The following BLMH variants were observed in gnomAD, a reference collection of about 807,000 sequenced individuals.
BLMH encodes bleomycin hydrolase.
In BLMH, 32 loss-of-function variants were observed where a neutral mutation model predicts 61.6. The observed-to-expected ratio is 0.52, with a 90% CI of 0.39 to 0.70. BLMH has a LOEUF of 0.70. Among genes scored for constraint, BLMH ranks in the 30% least tolerant of loss-of-function variants. The pLI is 0.00. For missense variants in BLMH, 460 were observed against 555.5 expected, an observed-to-expected ratio of 0.83 and a Z score of 1.73; for synonymous variants, 183 against 193.8, an observed-to-expected ratio of 0.94 and a Z score of 0.46.
chr17:30,268,386 T>G (rs1183292576), intron 10 of BLMH, among the ~76,000 whole-genome samples: 1 of 152,158 alleles, frequency 6.6e-6, no homozygotes, highest in African/African-American at 2.4e-5. Context: ...ATTGTGGAAA[T>G]ATAACCACTA....
intron 6 of BLMH, among the ~76,000 whole-genome samples, chr17:30,281,097 T>G (rs981717425): frequency 1.7e-4 from 25 of 151,134 alleles, no homozygotes; most frequent in Non-Finnish European, 2.2e-4. Flanking sequence ...TTGTTGTTTT[T>G]TTTTTTTTTT....
chr17:30,285,094 T>C (rs1414691361), intron 6 of BLMH, among the ~76,000 whole-genome samples: 1 of 152,242 alleles, frequency 6.6e-6, no homozygotes, highest in East Asian at 1.9e-4. Context: ...TGACTATGTC[T>C]TTCTCATCTG....
intron 9 of BLMH, chr17:30,272,115 G>A (rs1456167483): frequency 5.8e-6 from 1 of 172,638 alleles, no homozygotes; most frequent in African/African-American, 2.4e-5. Context: ...AACCTTCATT[G>A]TCATAAATGA....
Position 30,272,609 on chromosome 17 carries a change from T to C in BLMH, c.980A>G (p.Asp327Gly), listed in dbSNP as rs75301481. 6.2e-7 allele frequency: 1 copy of C among 1,613,966 alleles called. No individual in the cohort carries two copies. Among genetic ancestry groups the C allele is most frequent in the Non-Finnish European group, 8.5e-7 (1 of 1,180,006 alleles). Residue 327 changes from aspartate to glycine, a missense_variant, in exon 9 of 12, where the codon GAT (aspartate) becomes GGT (glycine). Transcript: ENST00000261714. ...KDGEAVWFGC[D>G]VGKHFNSKLG... Reference sequence around the variant, plus strand: ...CTTGCTATTGAAGTGTTTTCCAACATCACAGCCAAACCACACAGCCTAGAA... The same window carrying C: ...CTTGCTATTGAAGTGTTTTCCAACACCACAGCCAAACCACACAGCCTAGAA...
In BLMH at chr17:30,291,341, C is replaced by T. The variant is rs759180435; in HGVS notation, c.181G>A (p.Gly61Ser). 2.5e-6 allele frequency: 4 copies of T among 1,612,716 alleles called. No homozygotes were observed. The South Asian group carries it at 4.4e-5, about 18-fold the overall frequency. ...CTCTTCTGGTTGGTGATTGGCTTGC[C>T]CTCCTGGGGCACGGCGTGCTGGAAC... ...HVFQHAVPQE[G>S]KPITNQKSSG... Residue 61 changes from glycine to serine, a missense_variant, in exon 2 of 12, where the codon GGC becomes AGC. Around this residue, in one of 5 missense-constraint regions of BLMH, gnomAD observed 86 missense variants for 84.5 expected, o/e 1.02. Coordinates refer to ENST00000261714, the MANE Select transcript of BLMH (RefSeq NM_000386.4).
At chr17:30,252,056 G>A (rs1907682954) in intron 11 of BLMH, 1 of 152,150 alleles carries the variant, frequency 6.6e-6, no homozygotes, top group African/African-American at 2.4e-5. Context: ...ATCTGCATCT[G>A]TGTTTAATCT....
intron 10 of BLMH, among the ~76,000 whole-genome samples, chr17:30,270,469 T>C (rs1908238974): frequency 6.9e-6 from 1 of 145,080 alleles, no homozygotes; most frequent in African/African-American, 2.6e-5. Flanking sequence ...ACTACAGCAC[T>C]CCTGCCTGGA....
At chr17:30,260,284 C>G (rs1907920598) in intron 11 of BLMH, among the ~76,000 whole-genome samples, 1 of 152,140 alleles carries the variant, frequency 6.6e-6, no homozygotes, top group Non-Finnish European at 1.5e-5. Context: ...AGTGCAAACA[C>G]CTTGGAGACA....
intron 9 of BLMH, 46 bp downstream of exon 9, chr17:30,272,515 G>C: frequency 1.9e-6 from 3 of 1,605,372 alleles, no homozygotes; most frequent in Non-Finnish European, 2.6e-6. Context: ...CACTCCAACA[G>C]CAACAACCCA....
chr17:30,260,901 C>T (rs906167259), intron 11 of BLMH, among the ~76,000 whole-genome samples: 10 of 152,020 alleles, frequency 6.6e-5, no homozygotes, highest in Non-Finnish European at 1.0e-4. Flanking sequence ...ACAACAACAA[C>T]GGCAACAAAA....
chr17:30,270,130 T>G (rs974843442), intron 10 of BLMH, among the ~76,000 whole-genome samples: 9 of 152,194 alleles, frequency 5.9e-5, no homozygotes, highest in Admixed American at 4.6e-4. Flanking sequence ...TGTGGCATAA[T>G]GATATGCTAA....
Position 30,274,125 on chromosome 17 carries a change from T to C in BLMH, c.718A>G (p.Lys240Glu). 1 of 1,614,238 alleles carries C rather than the reference T, an allele frequency of 6.2e-7. No individual in the cohort carries two copies. The highest frequency in any genetic ancestry group is 1.1e-5 in the South Asian group (1 of 91,086). ...ATGGGGCCAATTTTCTGATAATTTT[T>C]ATCTTTGTCTCGATATTCCCAGGTG... ...TFTWEYRDKD[K>E]NYQKIGPITP... Residue 240 changes from lysine (K) to glutamate (E), a missense_variant, in exon 7 of 12, where the codon AAA becomes GAA. Lys to Glu is a moderately conservative substitution (Grantham distance 56). Around this residue, in one of 5 missense-constraint regions of BLMH, gnomAD observed 310 missense variants for 371.1 expected, o/e 0.84. Transcript: ENST00000261714.
At position 30,259,529 on chromosome 17, in the gene BLMH, GTTC is replaced by G. The variant is rs1222912223; in HGVS notation, c.1216+7353_1216+7355del. 2.6e-5 allele frequency among the ~76,000 whole-genome samples: 4 copies of G among 151,896 alleles called. No individual in the cohort carries two copies. The East Asian group carries it at 7.7e-4, about 29-fold the overall frequency. ...CCCCACTGAGGGGAGGTACTCCCTA[GTTC>G]TTCTTCTGTTAACTGCCCTCTTGGA... On this transcript the variant is annotated intron_variant, in intron 11 of 11. Coordinates refer to ENST00000261714, the MANE Select transcript of BLMH (RefSeq NM_000386.4).
At chr17:30,281,135 A>C (rs1908576273) in intron 6 of BLMH, among the ~76,000 whole-genome samples, 1 of 151,254 alleles carries the variant, frequency 6.6e-6, no homozygotes, top group African/African-American at 2.4e-5. Flanking sequence ...AGCAGGCAGA[A>C]AAGCAGATGC....
At chr17:30,263,493 G>A (rs1029068312) in intron 11 of BLMH, among the ~76,000 whole-genome samples, 1 of 152,124 alleles carries the variant, frequency 6.6e-6, no homozygotes, top group Admixed American at 6.5e-5. Flanking sequence ...TAAGAAGCAG[G>A]GGAGAAAAGA....
At chr17:30,266,738 A>G (rs1908121582) in intron 11 of BLMH, 147 bp downstream of exon 11, 1 of 734,430 alleles carries the variant, frequency 1.4e-6, no homozygotes, top group South Asian at 1.8e-5. Flanking sequence ...CTGGGGGCAA[A>G]TCAGATCCTC....
chr17:30,249,155 C>T lies in BLMH; in HGVS notation c.1230G>A (p.Met410Ile), dbSNP rs193008106. 6.2e-7 allele frequency: 1 copy of T among 1,614,130 alleles called. No individual in the cohort carries two copies. Among genetic ancestry groups the T allele is most frequent in the Non-Finnish European group, 8.5e-7 (1 of 1,179,968 alleles). Residue 410 changes from methionine to isoleucine, a missense_variant, in exon 12 of 12, where the codon ATG becomes ATA. This residue lies in a region of BLMH where 310 missense variants were observed against 371.1 expected (regional missense o/e 0.84). Coordinates refer to ENST00000261714, the MANE Select transcript of BLMH (RefSeq NM_000386.4). Reference sequence around the variant, plus strand: ...CATACTCAGAGAACCACTCATCTGTCATGCACAGGTAACCTGGAGAAAAGA... The same window carrying T: ...CATACTCAGAGAACCACTCATCTGTTATGCACAGGTAACCTGGAGAAAAGA... ...EDHGHKGYLCMTDEWFSEYVY... is the reference protein window; with the variant it reads ...EDHGHKGYLCITDEWFSEYVY...
chr17:30,278,220 C>A (rs140267167), intron 6 of BLMH, among the ~76,000 whole-genome samples: 1 of 152,232 alleles, frequency 6.6e-6, no homozygotes, highest in East Asian at 1.9e-4. Flanking sequence ...CTTTAGATAT[C>A]CAACTCTGCT....
chr17:30,284,039 A>T (rs1908661933), intron 6 of BLMH, among the ~76,000 whole-genome samples: 1 of 152,220 alleles, frequency 6.6e-6, no homozygotes, highest in Admixed American at 6.5e-5. Flanking sequence ...CAGGTTAAGT[A>T]ACTTACCTAG....
Sources: gnomAD v4.1 joint callset for allele counts (sites outside exome capture counted in the v4.1 genomes callset) on GRCh38, gnomAD v4.1.1 for gene constraint, gnomAD v4.1.1 regional missense constraint, MANE v1.5 for transcripts, NCBI Gene and HGNC (gene_info 2026-07-23, HGNC 2026-07-21) for gene names.